The following RBFOX1 variants were observed in gnomAD, a reference collection of about 807,000 sequenced individuals.
RBFOX1 encodes the protein RNA binding protein fox-1 homolog 1.
In RBFOX1, 8 loss-of-function variants were observed where a neutral mutation model predicts 57.7. The ratio of observed to expected loss-of-function variants is 0.14; its 90% CI spans 0.08 to 0.25. The LOEUF is 0.25. RBFOX1 is among the 10% of genes least tolerant of loss of function. The probability of loss-of-function intolerance (pLI) is 1.00; values close to 1 mark genes in which losing one functional copy is unlikely to be tolerated. For synonymous variants in RBFOX1, 326 were observed against 222.4 expected (o/e 1.47, Z -4.15); for missense variants, 611 against 548.5 (o/e 1.11, Z -1.14).
At chr16:6,682,959 T>C (rs1035950126) in intron 3 of RBFOX1, among the ~76,000 whole-genome samples, 1 of 149,666 alleles carries the variant, frequency 6.7e-6, no homozygotes, top group African/African-American at 2.5e-5. Flanking sequence ...TCAGGCCTCA[T>C]AGGGGTTGAC....
At chr16:6,397,547 G>C (rs1222082102) in intron 2 of RBFOX1, among the ~76,000 whole-genome samples, 1 of 152,142 alleles carries the variant, frequency 6.6e-6, no homozygotes, top group African/African-American at 2.4e-5. Flanking sequence ...TAGCTTTAAA[G>C]GGTATCTTCA....
At chr16:7,217,773 A>AT (rs1461652306) in intron 4 of RBFOX1, among the ~76,000 whole-genome samples, 1 of 152,196 alleles carries the variant, frequency 6.6e-6, no homozygotes, top group Non-Finnish European at 1.5e-5. Context: ...CAGAAAGAAC[A>AT]TTTTTATAGT....
At position 6,964,516 on chromosome 16, in the gene RBFOX1, G is replaced by T. The variant is rs535854529; in HGVS notation, c.-15-87541G>T. Among the ~76,000 whole-genome samples the T allele has an allele frequency of 3.9e-5, 6 of 152,258 alleles. No individual in the cohort carries two copies. In the East Asian group the frequency reaches 9.6e-4, roughly 24 times the overall value. On this transcript the variant is annotated intron_variant, in intron 3 of 15. Transcript: ENST00000550418. ...TAACAAATTGCACCTCTGGTAGGGG[G>T]TTTTGTTAAGGGTGAAGCTATGCCT...
At chr16:7,210,874 A>C (rs960634383) in intron 4 of RBFOX1, among the ~76,000 whole-genome samples, 5 of 152,086 alleles carry the variant, frequency 3.3e-5, no homozygotes, top group Admixed American at 6.5e-5. Context: ...AATACTGGTA[A>C]TTTGCCAAAA....
intron 1 of RBFOX1, among the ~76,000 whole-genome samples, chr16:6,289,103 A>G (rs2077192080): frequency 6.6e-6 from 1 of 152,114 alleles, no homozygotes; most frequent in Non-Finnish European, 1.5e-5. Context: ...GGAGGGGGTT[A>G]TTTCTGGAAT....
At chr16:7,509,390 CTGTGTGTGTGTGTGTGTGTGTGTG>C (rs34760329) in intron 4 of RBFOX1, among the ~76,000 whole-genome samples, 1 of 145,166 alleles carries the variant, frequency 6.9e-6, no homozygotes, top group Admixed American at 6.9e-5. Context: ...GAGCCAAGCC[CTGTGTGTGTGTGTGTGTGTGTGTG>C]TGTGTGTGTG....
At chr16:5,256,776 G>C (rs2062599966) in intron 1 of RBFOX1, among the ~76,000 whole-genome samples, 1 of 151,810 alleles carries the variant, frequency 6.6e-6, no homozygotes, top group Non-Finnish European at 1.5e-5. Flanking sequence ...TCTTCTAAAA[G>C]TACAAAAATT....
At chr16:5,775,974 G>A (rs1446019038) in intron 3 of RBFOX1, among the ~76,000 whole-genome samples, 2 of 152,148 alleles carry the variant, frequency 1.3e-5, no homozygotes, top group African/African-American at 4.8e-5. Context: ...CCCAGGATGA[G>A]CGATGAGCTC....
chr16:6,523,189 CTT>C (rs1413700222), intron 2 of RBFOX1, among the ~76,000 whole-genome samples: 1 of 152,146 alleles, frequency 6.6e-6, no homozygotes, highest in African/African-American at 2.4e-5. Context: ...TCATCTCTCT[CTT>C]CTCAGCATGC....
chr16:7,551,099 A>C (rs559137739), intron 5 of RBFOX1, among the ~76,000 whole-genome samples: 2 of 150,890 alleles, frequency 1.3e-5, no homozygotes, highest in Non-Finnish European at 3.0e-5. Context: ...AAAAAAAAAA[A>C]AAAAAAGAAA....
At chr16:5,707,593 A>G (rs936598179) in intron 3 of RBFOX1, among the ~76,000 whole-genome samples, 1 of 152,222 alleles carries the variant, frequency 6.6e-6, no homozygotes, top group Non-Finnish European at 1.5e-5. Context: ...CTATAAGTAC[A>G]ATATTTAAAG....
chr16:6,838,959 A>C (rs746371423), intron 3 of RBFOX1, among the ~76,000 whole-genome samples: 29 of 152,022 alleles, frequency 1.9e-4, no homozygotes, highest in Non-Finnish European at 3.8e-4. Flanking sequence ...AGAAAAAATA[A>C]GGGGAGGAGT....
At chr16:7,410,627 A>G (rs1568712508) in intron 4 of RBFOX1, among the ~76,000 whole-genome samples, 1 of 152,198 alleles carries the variant, frequency 6.6e-6, no homozygotes, top group Non-Finnish European at 1.5e-5. Flanking sequence ...CAGTGAGCCA[A>G]GATTGTGCCA....
At chr16:6,661,550 A>G (rs1006367335) in intron 3 of RBFOX1, among the ~76,000 whole-genome samples, 1 of 152,224 alleles carries the variant, frequency 6.6e-6, no homozygotes, top group Non-Finnish European at 1.5e-5. Context: ...AGAGTTACAC[A>G]GCACCAAGAA....
intron 3 of RBFOX1, among the ~76,000 whole-genome samples, chr16:5,732,348 C>A (rs184377165): frequency 6.6e-6 from 1 of 152,180 alleles, no homozygotes; most frequent in Non-Finnish European, 1.5e-5. Flanking sequence ...CAGTAACCAA[C>A]AATGACTGCC....
chr16:7,435,735 G>A (rs181226930), intron 4 of RBFOX1, among the ~76,000 whole-genome samples: 98 of 152,260 alleles, frequency 6.4e-4, no homozygotes, highest in Non-Finnish European at 1.2e-3. Context: ...TAGTTGCAGG[G>A]CTAAATAATT....
intron 1 of RBFOX1, among the ~76,000 whole-genome samples, chr16:6,258,574 G>T (rs936269643): frequency 1.3e-5 from 2 of 152,052 alleles, no homozygotes; most frequent in Admixed American, 1.3e-4. Flanking sequence ...TCAACTCCAG[G>T]GCAGTGTCAT....
In RBFOX1 at chr16:6,441,954, C is replaced by T. The variant is rs9936186; in HGVS notation, c.-64+124897C>T. Reference sequence around the variant, plus strand: ...ATTTGCTATTAGGATGAATTCCTAGCAAGATATTATGGAATGACAATTCCA... The same window carrying T: ...ATTTGCTATTAGGATGAATTCCTAGTAAGATATTATGGAATGACAATTCCA... On this transcript the variant is annotated intron_variant, in intron 2 of 15. Coordinates refer to ENST00000550418, the MANE Select transcript of RBFOX1 (RefSeq NM_018723.4). Among the ~76,000 whole-genome samples the T allele has an allele frequency of 6.4e-3, 977 of 152,256 alleles. 8 individuals are homozygous for T. The highest frequency in any genetic ancestry group is 0.023 in the African/African-American group (935 of 41,542).
intron 3 of RBFOX1, among the ~76,000 whole-genome samples, chr16:5,715,217 C>T (rs1432716246): frequency 3.9e-5 from 6 of 152,218 alleles, no homozygotes; most frequent in African/African-American, 1.4e-4. Context: ...TTTGAAACAA[C>T]CCTATAAATC....
Sources: gnomAD v4.1 joint callset for allele counts (sites outside exome capture counted in the v4.1 genomes callset) on GRCh38, gnomAD v4.1.1 for gene constraint, MANE v1.5 for transcripts, NCBI Gene and HGNC (gene_info 2026-07-23, HGNC 2026-07-21) for gene names.